ALCAM: variants seen among roughly 807,000 people sequenced by gnomAD.
ALCAM encodes the protein CD166 antigen.
Under a neutral mutation model 70.9 loss-of-function variants are expected in ALCAM, and 30 were observed. That is an observed-to-expected ratio of 0.42 (90% CI 0.32 to 0.57). The LOEUF (loss-of-function observed/expected upper bound fraction) is 0.57, where lower values mean the gene tolerates loss of function less well. ALCAM is among the 20% of genes least tolerant of loss of function. The pLI, the probability that ALCAM is intolerant of heterozygous loss-of-function variation, is 0.11. For synonymous variants in ALCAM, 249 were observed against 242.5 expected (o/e 1.03, Z -0.25); for missense variants, 591 against 695.1 (o/e 0.85, Z 1.68).
chr3:105,555,781 T>C (rs1940501646), intron 14 of ALCAM, among the ~76,000 whole-genome samples: 1 of 151,986 alleles, frequency 6.6e-6, no homozygotes, highest in Non-Finnish European at 1.5e-5. Flanking sequence ...CAAGAAAGAC[T>C]TGGCAATTGT....
At chr3:105,516,813 A>C (rs1385064078) in intron 1 of ALCAM, among the ~76,000 whole-genome samples, 1 of 152,088 alleles carries the variant, frequency 6.6e-6, no homozygotes, top group Non-Finnish European at 1.5e-5. Flanking sequence ...ATTGGTTTAC[A>C]CTTGACATTT....
chr3:105,477,184 T>C (rs1307335373), intron 1 of ALCAM, among the ~76,000 whole-genome samples: 1 of 152,104 alleles, frequency 6.6e-6, no homozygotes, highest in Non-Finnish European at 1.5e-5. Context: ...TGTATATGTA[T>C]TTTAGAAAAA....
intron 1 of ALCAM, among the ~76,000 whole-genome samples, chr3:105,495,718 A>G (rs1402970278): frequency 6.6e-6 from 1 of 152,190 alleles, no homozygotes; most frequent in Non-Finnish European, 1.5e-5. Flanking sequence ...ACAAGATCAA[A>G]GTGCCATTTA....
intron 1 of ALCAM, among the ~76,000 whole-genome samples, chr3:105,506,860 C>T (rs1242197430): frequency 6.6e-6 from 1 of 152,208 alleles, no homozygotes; most frequent in South Asian, 2.1e-4. Flanking sequence ...CTACTCAAGA[C>T]ACTCTTGTTC....
Position 105,367,262 on chromosome 3 carries a change from G to A in ALCAM, c.-147G>A. ...CGTGCGGCAGAGAACCGAAGGTGCA[G>A]CGCCACAGCCCAGGGGACGGTGTGT... On this transcript the variant is annotated 5_prime_UTR_variant, in exon 1 of 16. Transcript: ENST00000306107. 1.4e-6 allele frequency: 1 copy of A among 718,098 alleles called. No homozygotes were observed. Among genetic ancestry groups the A allele is most frequent in the East Asian group, 2.7e-5 (1 of 36,570 alleles). The allele number at this position is 718,098 out of a possible 1,614,324, so 44.5% of individuals were successfully genotyped here. A position where few individuals can be genotyped will look rare whatever the true frequency, so the allele number is the denominator to read the frequency against.
intron 1 of ALCAM, among the ~76,000 whole-genome samples, chr3:105,503,285 C>G (rs1182588074): frequency 6.6e-6 from 1 of 152,186 alleles, no homozygotes; most frequent in East Asian, 1.9e-4. Flanking sequence ...TTCCTATTTG[C>G]CTAGTGAGTG....
intron 8 of ALCAM, 79 bp downstream of exon 8, chr3:105,541,844 C>T (rs2152629395): frequency 6.6e-7 from 1 of 1,509,362 alleles, no homozygotes; most frequent in Non-Finnish European, 9.1e-7. Flanking sequence ...TTCAAATAAA[C>T]TGCACGTATA....
At chr3:105,393,285 A>G (rs1457218489) in intron 1 of ALCAM, among the ~76,000 whole-genome samples, 2 of 151,812 alleles carry the variant, frequency 1.3e-5, no homozygotes, top group African/African-American at 2.4e-5. Context: ...AAATGTAACA[A>G]TGTAAGCCTA....
intron 1 of ALCAM, among the ~76,000 whole-genome samples, chr3:105,389,774 C>A (rs1576127850): frequency 6.6e-6 from 1 of 150,780 alleles, no homozygotes. Flanking sequence ...GTGTGTTGTC[C>A]CCCTCCCTGT....
At chr3:105,553,224 C>A in intron 14 of ALCAM, 1 of 612,722 alleles carries the variant, frequency 1.6e-6, no homozygotes, top group Non-Finnish European at 2.0e-6. Flanking sequence ...AATTATCTAA[C>A]AGTGGTTTAT....
At chr3:105,388,949 G>A (rs1374677194) in intron 1 of ALCAM, among the ~76,000 whole-genome samples, 2 of 151,532 alleles carry the variant, frequency 1.3e-5, no homozygotes, top group Admixed American at 6.6e-5. Context: ...TAACTTAAGT[G>A]GTGGGCAAGT....
At chr3:105,400,514 A>G (rs1936061398) in intron 1 of ALCAM, among the ~76,000 whole-genome samples, 1 of 152,206 alleles carries the variant, frequency 6.6e-6, no homozygotes, top group Non-Finnish European at 1.5e-5. Flanking sequence ...TGATTTTACC[A>G]CTGTCATTTT....
At chr3:105,521,461 C>T (rs1222334987) in intron 2 of ALCAM, among the ~76,000 whole-genome samples, 1 of 152,006 alleles carries the variant, frequency 6.6e-6, no homozygotes, top group East Asian at 1.9e-4. Flanking sequence ...TCTCCAAGAA[C>T]AAACATTCTG....
intron 1 of ALCAM, among the ~76,000 whole-genome samples, chr3:105,368,251 G>A (rs1027375721): frequency 6.6e-6 from 1 of 151,214 alleles, no homozygotes; most frequent in African/African-American, 2.4e-5. Context: ...GAGAGAGAGA[G>A]AGAGAGAGAG....
At chr3:105,481,383 A>G (rs905927017) in intron 1 of ALCAM, among the ~76,000 whole-genome samples, 3 of 152,152 alleles carry the variant, frequency 2.0e-5, no homozygotes, top group African/African-American at 7.2e-5. Context: ...TTGTCTTCCT[A>G]TACTGGAAAA....
chr3:105,569,069 G>GT (rs1553684934), intron 14 of ALCAM, among the ~76,000 whole-genome samples: 172 of 147,390 alleles, frequency 1.2e-3, no homozygotes, highest in Middle Eastern at 3.6e-3. Flanking sequence ...TTACATTGTT[G>GT]TTTTTTTTTT....
At chr3:105,376,224 C>A (rs773791391) in intron 1 of ALCAM, among the ~76,000 whole-genome samples, 1 of 152,024 alleles carries the variant, frequency 6.6e-6, no homozygotes, top group African/African-American at 2.4e-5. Flanking sequence ...TGAGAATGTT[C>A]TTTTGATGTT....
At chr3:105,376,321 A>G (rs920452254) in intron 1 of ALCAM, among the ~76,000 whole-genome samples, 22 of 152,200 alleles carry the variant, frequency 1.4e-4, no homozygotes, top group African/African-American at 5.3e-4. Context: ...CAAATTAACC[A>G]CAATTCCTAG....
chr3:105,428,662 T>A (rs1445876516), intron 1 of ALCAM, among the ~76,000 whole-genome samples: 1 of 151,964 alleles, frequency 6.6e-6, no homozygotes, highest in Non-Finnish European at 1.5e-5. Flanking sequence ...TTTATGTATC[T>A]CTCAATAAGT....
Sources: gnomAD v4.1 joint callset for allele counts (sites outside exome capture counted in the v4.1 genomes callset) on GRCh38, gnomAD v4.1.1 for gene constraint, MANE v1.5 for transcripts, NCBI Gene and HGNC (gene_info 2026-07-23, HGNC 2026-07-21) for gene names.